The following FOXN3 variants were observed in gnomAD, a reference collection of about 807,000 sequenced individuals.
The protein encoded by FOXN3 is forkhead box N3.
Under a neutral mutation model 38.4 loss-of-function variants are expected in FOXN3, and 7 were observed. That is an observed-to-expected ratio of 0.18 (90% CI 0.10 to 0.34). The LOEUF (loss-of-function observed/expected upper bound fraction) is 0.34, where lower values mean the gene tolerates loss of function less well. Ranked by LOEUF, FOXN3 falls within the 10% of genes least tolerant of loss-of-function variation. The probability of loss-of-function intolerance (pLI) is 1.00; values close to 1 mark genes in which losing one functional copy is unlikely to be tolerated. For missense variants in FOXN3, 456 were observed against 613.4 expected (o/e 0.74, Z 2.71); for synonymous variants, 230 against 242.2 (o/e 0.95, Z 0.47).
At chr14:89,619,108 C>A (rs946814838) in exon 1 of FOXN3, 2 of 151,696 alleles carry the variant, frequency 1.3e-5, no homozygotes, top group Non-Finnish European at 2.9e-5. Context: ...GTGGCCCCGC[C>A]GCCGGGTCGC....
intron 3 of FOXN3, among the ~76,000 whole-genome samples, chr14:89,318,457 C>G (rs1018014350): frequency 2.0e-5 from 3 of 152,170 alleles, no homozygotes; most frequent in Non-Finnish European, 2.9e-5. Context: ...ACACACCCGG[C>G]CCCTTTTTCT....
At chr14:89,461,155 G>A (rs767036215) in intron 1 of FOXN3, among the ~76,000 whole-genome samples, 83 of 151,924 alleles carry the variant, frequency 5.5e-4, no homozygotes, top group Non-Finnish European at 1.0e-3. Flanking sequence ...AACCAACATG[G>A]TGAAACCCCA....
intron 4 of FOXN3, among the ~76,000 whole-genome samples, chr14:89,235,311 T>G (rs756574556): frequency 1.3e-5 from 2 of 152,172 alleles, no homozygotes; most frequent in Non-Finnish European, 2.9e-5. Context: ...CCATGTTGCT[T>G]TGAAATCAAA....
intron 2 of FOXN3, among the ~76,000 whole-genome samples, chr14:89,383,618 C>T (rs1023494968): frequency 2.0e-5 from 3 of 152,164 alleles, no homozygotes; most frequent in African/African-American, 7.2e-5. Context: ...CCCTGGCTCA[C>T]CCCTGCATTG....
At chr14:89,524,379 AAAAAAAAAAAAAAAAAAAAAAAAAG>A (rs1894387589) in intron 1 of FOXN3, among the ~76,000 whole-genome samples, 1 of 110,048 alleles carries the variant, frequency 9.1e-6, no homozygotes, top group South Asian at 3.6e-4. Flanking sequence ...CTCAAAAAAA[AAAAAAAAAAAAAAAAAAAAAAAAAG>A]AAAGAAAGAA....
chr14:89,459,517 C>T (rs1241929372), intron 1 of FOXN3, among the ~76,000 whole-genome samples: 3 of 152,156 alleles, frequency 2.0e-5, no homozygotes, highest in Admixed American at 6.5e-5. Flanking sequence ...GATCTAGAGC[C>T]TGCAGTGGAC....
intron 4 of FOXN3, among the ~76,000 whole-genome samples, chr14:89,228,945 C>T (rs546942814): frequency 1.1e-4 from 16 of 152,304 alleles, no homozygotes; most frequent in Non-Finnish European, 1.8e-4. Context: ...TGGGTTGTTG[C>T]TTCCCCTCCC....
At chr14:89,363,885 A>G (rs1360441437) in intron 2 of FOXN3, among the ~76,000 whole-genome samples, 1 of 149,488 alleles carries the variant, frequency 6.7e-6, no homozygotes, top group African/African-American at 2.5e-5. Flanking sequence ...TCAAGGCTGC[A>G]GTGAGCTATG....
intron 1 of FOXN3, among the ~76,000 whole-genome samples, chr14:89,435,849 T>C (rs1892264579): frequency 6.6e-6 from 1 of 152,178 alleles, no homozygotes; most frequent in Non-Finnish European, 1.5e-5. Context: ...GCTACAGTCA[T>C]GCAAACAAGC....
chr14:89,592,806 C>T (rs2139928344), intron 1 of FOXN3, among the ~76,000 whole-genome samples: 2 of 152,124 alleles, frequency 1.3e-5, no homozygotes, highest in East Asian at 3.9e-4. Flanking sequence ...GAAATGAGAA[C>T]AATATAGGAG....
Position 89,160,276 on chromosome 14 carries a change from G to A in FOXN3, c.*2138C>T, listed in dbSNP as rs1262904877. 1 of 137,516 alleles carries A rather than the reference G, an allele frequency of 7.3e-6. No individual in the cohort carries two copies. 8.5% of individuals were successfully genotyped at this position (137,516 alleles called of 1,614,324 possible). ...GGCAAAGGTAACAACAGGAGTTTCTGGGCTGCATGACGTTGTCTGGTTTCT... is the reference window on the plus strand; with the variant it reads ...GGCAAAGGTAACAACAGGAGTTTCTAGGCTGCATGACGTTGTCTGGTTTCT... On this transcript the variant is annotated 3_prime_UTR_variant, in exon 6 of 6. Coordinates refer to ENST00000557258, the MANE Select transcript of FOXN3 (RefSeq NM_005197.4).
At chr14:89,198,486 A>C (rs1482048277) in intron 4 of FOXN3, among the ~76,000 whole-genome samples, 1 of 152,214 alleles carries the variant, frequency 6.6e-6, no homozygotes, top group Non-Finnish European at 1.5e-5. Flanking sequence ...CAAGCAAACA[A>C]ATAAACAAAA....
intron 4 of FOXN3, among the ~76,000 whole-genome samples, chr14:89,241,210 T>C (rs1228410910): frequency 2.0e-5 from 3 of 152,240 alleles, no homozygotes; most frequent in Non-Finnish European, 4.4e-5. Context: ...CCCAAACGTT[T>C]AGACCGATTT....
At chr14:89,219,134 G>T (rs1433393993) in intron 4 of FOXN3, among the ~76,000 whole-genome samples, 1 of 152,184 alleles carries the variant, frequency 6.6e-6, no homozygotes, top group Non-Finnish European at 1.5e-5. Flanking sequence ...ATGTCGAATT[G>T]TAATCCCCAC....
chr14:89,172,490 G>A (rs950284896), intron 5 of FOXN3, among the ~76,000 whole-genome samples: 5 of 152,216 alleles, frequency 3.3e-5, no homozygotes, highest in Admixed American at 3.3e-4. Flanking sequence ...TCTTGTTCGC[G>A]CACTCCCTTG....
At chr14:89,428,249 C>T (rs1469944347) in intron 1 of FOXN3, among the ~76,000 whole-genome samples, 1 of 152,142 alleles carries the variant, frequency 6.6e-6, no homozygotes, top group Non-Finnish European at 1.5e-5. Context: ...GCAATTTATT[C>T]CATTTATTAC....
intron 1 of FOXN3, among the ~76,000 whole-genome samples, chr14:89,453,309 C>T (rs1227176006): frequency 1.3e-5 from 2 of 151,944 alleles, no homozygotes; most frequent in African/African-American, 4.8e-5. Context: ...GTAATCCCAG[C>T]ACTTTGGGAG....
chr14:89,478,931 C>CAAAAAAAGAAAA (rs542795772), intron 1 of FOXN3, among the ~76,000 whole-genome samples: 1 of 54,198 alleles, frequency 1.8e-5, no homozygotes, highest in African/African-American at 6.2e-5. Context: ...GACTCCATCT[C>CAAAAAAAGAAAA]AAAAAAAAAA....
At chr14:89,274,752 A>G (rs1336758255) in intron 4 of FOXN3, among the ~76,000 whole-genome samples, 1 of 152,194 alleles carries the variant, frequency 6.6e-6, no homozygotes, top group Non-Finnish European at 1.5e-5. Flanking sequence ...GAACTTCTCA[A>G]GGAGGCAGTC....
Sources: gnomAD v4.1 joint callset for allele counts (sites outside exome capture counted in the v4.1 genomes callset) on GRCh38, gnomAD v4.1.1 for gene constraint, MANE v1.5 for transcripts, NCBI Gene and HGNC (gene_info 2026-07-23, HGNC 2026-07-21) for gene names.